Variants in VWA3A observed in about 807,000 individuals in gnomAD.
The protein encoded by VWA3A is von Willebrand factor A domain containing 3A.
Under a neutral mutation model 160.4 loss-of-function variants are expected in VWA3A, and 134 were observed. The ratio of observed to expected loss-of-function variants is 0.84; its 90% CI spans 0.73 to 0.96. The LOEUF is 0.96. Ranked by LOEUF, VWA3A falls within the 40% of genes least tolerant of loss-of-function variation. The pLI is 0.00. For synonymous variants in VWA3A, 476 were observed against 543.4 expected, an observed-to-expected ratio of 0.88 and a Z score of 1.72; for missense variants, 1,310 against 1,447.9, an observed-to-expected ratio of 0.90 and a Z score of 1.55.
rs370087002 is a variant in VWA3A, at chr16:22,141,710, C to T, written c.2494+18C>T. On this transcript the variant is annotated intron_variant, in intron 24 of 33. Coordinates refer to ENST00000389398, the MANE Select transcript of VWA3A (RefSeq NM_173615.5). The stretch of plus-strand genomic sequence containing the variant: ...TGACGTGGGTAAGTTAGAGGCTATA[C>T]AGGTGTCTGGACAGCCCCCTGGCCC... 23 of 1,592,436 alleles carry T rather than the reference C, an allele frequency of 1.4e-5. No homozygotes were observed. The Admixed American group carries it at 2.3e-4, about 16-fold the overall frequency.
Position 22,092,595 on chromosome 16 carries a change from C to T in VWA3A, c.-43C>T, listed in dbSNP as rs1161675066. The T allele has an allele frequency of 5.2e-6, 8 of 1,548,782 alleles. No homozygotes were observed. The highest frequency in any genetic ancestry group is 3.4e-4 in the Middle Eastern group (2 of 5,966). ...GAAGTGAGATCCAGGAGAAGTAAGGCCCTGGAGTGCCAGGAGCCCTTCTCC... is the reference window on the plus strand; with the variant it reads ...GAAGTGAGATCCAGGAGAAGTAAGGTCCTGGAGTGCCAGGAGCCCTTCTCC... On this transcript the variant is annotated 5_prime_UTR_variant, in exon 1 of 34. Coordinates refer to ENST00000389398, the MANE Select transcript of VWA3A (RefSeq NM_173615.5).
At chr16:22,107,952 T>A (rs1239031068) in intron 6 of VWA3A, among the ~76,000 whole-genome samples, 2 of 152,162 alleles carry the variant, frequency 1.3e-5, no homozygotes, top group Non-Finnish European at 2.9e-5. Context: ...GAGAATATAG[T>A]GTCCTGGAAG....
intron 1 of VWA3A, among the ~76,000 whole-genome samples, chr16:22,093,654 A>G (rs986770214): frequency 6.6e-6 from 1 of 152,204 alleles, no homozygotes; most frequent in South Asian, 2.1e-4. Flanking sequence ...AAGCAGTTCT[A>G]CTTTCTCAAT....
At chr16:22,116,593 A>C (rs896098970) in intron 9 of VWA3A, among the ~76,000 whole-genome samples, 166 bp from the exon 10 acceptor site, 2 of 152,236 alleles carry the variant, frequency 1.3e-5, no homozygotes, top group African/African-American at 4.8e-5. Context: ...GGCAGAGGGC[A>C]GACAGGCCTG....
chr16:22,131,727 A>C lies in VWA3A; in HGVS notation c.1870A>C (p.Met624Leu), dbSNP rs557958105. 1 of 1,613,088 alleles carries C rather than the reference A, an allele frequency of 6.2e-7. No individual in the cohort carries two copies. Among genetic ancestry groups the C allele is most frequent in the Admixed American group, 1.7e-5 (1 of 59,948 alleles). ...LFTGGIPDQD[M>L]PTLSAYMAEA... Reference sequence around the variant, plus strand: ...CACTGGGGGCATCCCCGACCAGGACATGGTGGGTAGGCCACGTCCTGGGTG... The same window carrying C: ...CACTGGGGGCATCCCCGACCAGGACCTGGTGGGTAGGCCACGTCCTGGGTG... Residue 624 changes from methionine (M) to leucine (L), a missense_variant and splice_region_variant, in exon 19 of 34, where the codon ATG (methionine) becomes CTG (leucine). Met to Leu is a conservative substitution (Grantham distance 15). Coordinates refer to ENST00000389398, the MANE Select transcript of VWA3A (RefSeq NM_173615.5).
chr16:22,134,015 G>A (rs1371444353), intron 20 of VWA3A, among the ~76,000 whole-genome samples: 1 of 152,100 alleles, frequency 6.6e-6, no homozygotes, highest in Non-Finnish European at 1.5e-5. Flanking sequence ...CCAGGCTGGA[G>A]TGCAGTGGTG....
intron 21 of VWA3A, among the ~76,000 whole-genome samples, chr16:22,135,983 G>T (rs2046033029): frequency 6.6e-6 from 1 of 152,004 alleles, no homozygotes; most frequent in Non-Finnish European, 1.5e-5. Context: ...TAGAGATGGG[G>T]TTTCACCATG....
At chr16:22,151,974 C>T (rs532456208) in intron 30 of VWA3A, among the ~76,000 whole-genome samples, 29 of 152,020 alleles carry the variant, frequency 1.9e-4, no homozygotes, top group African/African-American at 6.8e-4. Context: ...TTTGGGAGGC[C>T]AAGGCAGGCA....
At chr16:22,141,534 G>T in intron 23 of VWA3A, 48 bp from the exon 24 acceptor site, 1 of 1,527,866 alleles carries the variant, frequency 6.5e-7, no homozygotes, top group Non-Finnish European at 8.9e-7. Flanking sequence ...CAGCTGTATT[G>T]CAAGAATGCA....
At chr16:22,112,266 A>C (rs532449843) in intron 8 of VWA3A, among the ~76,000 whole-genome samples, 1 of 152,316 alleles carries the variant, frequency 6.6e-6, no homozygotes, top group East Asian at 1.9e-4. Flanking sequence ...ATTGGTTACC[A>C]TACTAGGTAC....
intron 24 of VWA3A, 22 bp from the exon 25 acceptor site, chr16:22,142,646 G>A (rs376347835): frequency 6.5e-6 from 10 of 1,538,612 alleles, no homozygotes; most frequent in Non-Finnish European, 8.8e-6. Context: ...CTATAGCAAT[G>A]ACCTCACTCT....
chr16:22,119,206 TG>T (rs1224475506), intron 12 of VWA3A, among the ~76,000 whole-genome samples, 179 bp downstream of exon 12: 1 of 142,732 alleles, frequency 7.0e-6, no homozygotes, highest in Non-Finnish European at 1.5e-5. Context: ...GTGGGCTGGG[TG>T]GGCCCACCAT....
intron 1 of VWA3A, among the ~76,000 whole-genome samples, chr16:22,093,432 C>G (rs1901409224): frequency 6.6e-6 from 1 of 152,118 alleles, no homozygotes; most frequent in African/African-American, 2.4e-5. Context: ...GAAGACCTCT[C>G]TAATAAGATT....
chr16:22,146,208 G>T, intron 26 of VWA3A, 28 bp from the exon 27 acceptor site: 4 of 1,573,276 alleles, frequency 2.5e-6, no homozygotes, highest in Non-Finnish European at 2.6e-6. Flanking sequence ...GATGGGGTGG[G>T]TGCTTGCCTC....
intron 31 of VWA3A, among the ~76,000 whole-genome samples, chr16:22,154,960 CAAAAAAAAAAAAAAAAAAAAAAA>C (rs747770335): frequency 9.2e-5 from 5 of 54,432 alleles, no homozygotes; most frequent in Admixed American, 3.0e-4. Flanking sequence ...GACTCCGTCT[CAAAAAAAAAAAAAAAAAAAAAAA>C]AAAAAAAAAA....
rs368884556 is a variant in VWA3A at position 22,150,774 on chromosome 16, T to C, written c.3209T>C (p.Leu1070Pro). ...GKPDTSCSLV[L>P]NEVQKLREKR... The stretch of plus-strand genomic sequence containing the variant: ...CCAGACACAAGCTGCAGCCTTGTCC[T>C]AAATGAAGTCCAAAAACTCAGGGAG... Residue 1070 changes from leucine to proline, a missense_variant, in exon 30 of 34, where the codon CTA (leucine) becomes CCA (proline). By Grantham distance (98) the Leu-to-Pro change is moderately conservative. Transcript: ENST00000389398. The C allele has an allele frequency of 1.7e-5, 27 of 1,613,192 alleles. No individual in the cohort carries two copies. Among genetic ancestry groups the C allele is most frequent in the African/African-American group, 1.3e-5 (1 of 74,940 alleles).
chr16:22,113,382 T>TTTTTTTTTTTTTTTG (rs2045583943), intron 8 of VWA3A, among the ~76,000 whole-genome samples: 1 of 118,278 alleles, frequency 8.5e-6, no homozygotes, highest in East Asian at 2.5e-4. Flanking sequence ...TTTTTTTTTT[T>TTTTTTTTTTTTTTTG]TTTTTTTTTT....
intron 16 of VWA3A, among the ~76,000 whole-genome samples, chr16:22,125,604 T>C (rs1186791466): frequency 6.6e-6 from 1 of 151,944 alleles, no homozygotes; most frequent in Non-Finnish European, 1.5e-5. Flanking sequence ...TTTTTATTTT[T>C]AGTAGAGACA....
intron 21 of VWA3A, among the ~76,000 whole-genome samples, chr16:22,137,260 A>G (rs2046062786): frequency 6.6e-6 from 1 of 152,098 alleles, no homozygotes; most frequent in Non-Finnish European, 1.5e-5. Context: ...TGGAGCTTTG[A>G]TTGAGAATAA....
Sources: allele counts gnomAD v4.1 joint callset (sites outside exome capture counted in the v4.1 genomes callset), GRCh38; gene constraint gnomAD v4.1.1; transcripts MANE v1.5; gene names NCBI Gene and HGNC (gene_info 2026-07-23, HGNC 2026-07-21).